The following HTR5A variants were observed in gnomAD, a reference collection of about 807,000 sequenced individuals.
The protein encoded by HTR5A is 5-hydroxytryptamine receptor 5A, also known as 5-HT-5.
Under a neutral mutation model 24.3 loss-of-function variants are expected in HTR5A, and 21 were observed. The observed-to-expected ratio is 0.86, with a 90% CI of 0.61 to 1.24. The LOEUF (loss-of-function observed/expected upper bound fraction) is 1.24, where lower values mean the gene tolerates loss of function less well. Among genes scored for constraint, HTR5A ranks in the 50% most tolerant of loss-of-function variants. HTR5A has a pLI of 0.00. For missense variants in HTR5A, 497 were observed against 489.5 expected (o/e 1.02, Z -0.15); for synonymous variants, 260 against 213.7 (o/e 1.22, Z -1.89).
rs574766448 is a variant in HTR5A at position 155,075,827 on chromosome 7, G to A, written c.741+4187G>A. The stretch of plus-strand genomic sequence containing the variant: ...TAATATTTTATGTCAGCTAATGCAG[G>A]CATTATTTACTATGACAACTTTAAA... On this transcript the variant is annotated intron_variant, in intron 1 of 1. Transcript: ENST00000287907. Among the ~76,000 whole-genome samples, 310 of 151,666 alleles carry A rather than the reference G, an allele frequency of 2.0e-3. 2 individuals carry two copies. Among genetic ancestry groups the A allele is most frequent in the African/African-American group, 6.9e-3 (284 of 41,042 alleles).
In HTR5A at chr7:155,084,569, C is replaced by T. The variant is rs1795455452; in HGVS notation, c.*82C>T. ...TCATCCATTTCCCATCCCCACCCAACAGCCATGTGGACGGGATGAATCCTC... is the reference window on the plus strand; with the variant it reads ...TCATCCATTTCCCATCCCCACCCAATAGCCATGTGGACGGGATGAATCCTC... On this transcript the variant is annotated 3_prime_UTR_variant, in exon 2 of 2. Transcript: ENST00000287907. The T allele has an allele frequency of 8.6e-7, 1 of 1,168,924 alleles. No individual in the cohort carries two copies. Among genetic ancestry groups the T allele is most frequent in the Admixed American group, 2.0e-5 (1 of 49,342 alleles). The allele number at this position is 1,168,924 out of a possible 1,614,324, so 72.4% of individuals were successfully genotyped here. A position where few individuals can be genotyped will look rare whatever the true frequency, so the allele number is the denominator to read the frequency against.
chr7:155,072,248 T>G (rs1042493031), intron 1 of HTR5A, among the ~76,000 whole-genome samples: 1 of 152,224 alleles, frequency 6.6e-6, no homozygotes, highest in African/African-American at 2.4e-5. Flanking sequence ...AGATGTTGAC[T>G]GCACTAGTCC....
At position 155,071,289 on chromosome 7, in the gene HTR5A, G is replaced by T; in HGVS notation, c.390G>T (p.Trp130Cys). The change falls in exon 1 of 2, where the codon TGG (tryptophan) becomes TGT (cysteine). Residue 130 changes from tryptophan to cysteine, a missense_variant. Coordinates refer to ENST00000287907, the MANE Select transcript of HTR5A (RefSeq NM_024012.4). ...CDVLCCTASI[W>C]NVTAIALDRY... Reference sequence around the variant, plus strand: ...TGCTTTGCTGCACGGCCAGCATCTGGAACGTGACGGCCATAGCCCTGGACC... The same window carrying T: ...TGCTTTGCTGCACGGCCAGCATCTGTAACGTGACGGCCATAGCCCTGGACC... The T allele has an allele frequency of 3.1e-6, 5 of 1,609,144 alleles. No individual in the cohort carries two copies. The highest frequency in any genetic ancestry group is 3.4e-6 in the Non-Finnish European group (4 of 1,179,870).
intron 1 of HTR5A, among the ~76,000 whole-genome samples, chr7:155,080,756 A>G (rs1287959799): frequency 6.6e-6 from 1 of 152,216 alleles, no homozygotes; most frequent in Non-Finnish European, 1.5e-5. Context: ...TCAGCTGCAG[A>G]ACGGAGTTTA....
At chr7:155,071,985 G>A (rs562274620) in intron 1 of HTR5A, among the ~76,000 whole-genome samples, 1 of 152,240 alleles carries the variant, frequency 6.6e-6, no homozygotes, top group East Asian at 1.9e-4. Flanking sequence ...GGTATCTGGG[G>A]TACGCTGATT....
chr7:155,076,354 C>T (rs1007084144), intron 1 of HTR5A, among the ~76,000 whole-genome samples: 3 of 151,850 alleles, frequency 2.0e-5, no homozygotes, highest in African/African-American at 7.3e-5. Flanking sequence ...GTGAATTATT[C>T]TGGAGGTATA....
At position 155,087,346 on chromosome 7, in the gene HTR5A, G is replaced by T. The variant is rs1038537094; in HGVS notation, c.*2859G>T. On this transcript the variant is annotated 3_prime_UTR_variant, in exon 2 of 2. Transcript: ENST00000287907. Reference sequence around the variant, plus strand: ...AAAGAGGCTGTAGAGACAACACTTTGCCATATTTCTATTAAAGAGAAAATA... The same window carrying T: ...AAAGAGGCTGTAGAGACAACACTTTTCCATATTTCTATTAAAGAGAAAATA... 6.6e-6 allele frequency among the ~76,000 whole-genome samples: 1 copy of T among 152,188 alleles called. No individual in the cohort carries two copies. The highest frequency in any genetic ancestry group is 2.4e-5 in the African/African-American group (1 of 41,462).
intron 1 of HTR5A, among the ~76,000 whole-genome samples, chr7:155,072,542 A>C (rs1391183230): frequency 6.6e-6 from 1 of 152,054 alleles, no homozygotes; most frequent in Non-Finnish European, 1.5e-5. Context: ...TGACCCTACG[A>C]CTCATGATTC....
At position 155,085,289 on chromosome 7, in the gene HTR5A, C is replaced by CCATGAATGGAGCTTGCTGCAGTGGAAG. The variant is rs1563424109; in HGVS notation, c.*802_*803insCATGAATGGAGCTTGCTGCAGTGGAAG. ...AGAATCTGTCAGATTTGTTTATTTGCTACTGGTTTCACGCGCGTGGACTAT... is the reference window on the plus strand; with the variant it reads ...AGAATCTGTCAGATTTGTTTATTTGCCATGAATGGAGCTTGCTGCAGTGGAAGTACTGGTTTCACGCGCGTGGACTAT... On this transcript the variant is annotated 3_prime_UTR_variant, in exon 2 of 2. Coordinates refer to ENST00000287907, the MANE Select transcript of HTR5A (RefSeq NM_024012.4). 0.022 allele frequency: 3,365 copies of CCATGAATGGAGCTTGCTGCAGTGGAAG among 150,596 alleles called. No individual in the cohort carries two copies. The highest frequency in any genetic ancestry group is 0.031 in the Non-Finnish European group (2,046 of 67,016). The allele number at this position is 150,596 out of a possible 1,614,324, so 9.3% of individuals were successfully genotyped here. A position where few individuals can be genotyped will look rare whatever the true frequency, so the allele number is the denominator to read the frequency against.
In HTR5A at chr7:155,084,578, G is replaced by A; in HGVS notation, c.*91G>A. 9.3e-7 allele frequency: 1 copy of A among 1,073,634 alleles called. No individual in the cohort carries two copies. The highest frequency in any genetic ancestry group is 1.4e-6 in the Non-Finnish European group (1 of 734,362). The allele number at this position is 1,073,634 out of a possible 1,614,324, so 66.5% of individuals were successfully genotyped here. ...TCCCATCCCCACCCAACAGCCATGT[G>A]GACGGGATGAATCCTCACCATTCTC... On this transcript the variant is annotated 3_prime_UTR_variant, in exon 2 of 2. Coordinates refer to ENST00000287907, the MANE Select transcript of HTR5A (RefSeq NM_024012.4).
In HTR5A at chr7:155,086,477, G is replaced by A. The variant is rs953924298; in HGVS notation, c.*1990G>A. ...TCCAAGGATTCTGTATACCCCAGTT[G>A]GAGAACGATGTTATTATAATATTAA... On this transcript the variant is annotated 3_prime_UTR_variant, in exon 2 of 2. Coordinates refer to ENST00000287907, the MANE Select transcript of HTR5A (RefSeq NM_024012.4). Among the ~76,000 whole-genome samples the A allele has an allele frequency of 2.6e-5, 4 of 152,206 alleles. No individual in the cohort carries two copies. Among genetic ancestry groups the A allele is most frequent in the African/African-American group, 9.6e-5 (4 of 41,458 alleles).
intron 1 of HTR5A, among the ~76,000 whole-genome samples, chr7:155,075,721 C>G (rs1231466085): frequency 1.3e-5 from 2 of 152,220 alleles, no homozygotes; most frequent in Non-Finnish European, 2.9e-5. Context: ...TCTTCCATGA[C>G]TGGCCACAAG....
At chr7:155,075,430 G>A (rs897034265) in intron 1 of HTR5A, among the ~76,000 whole-genome samples, 1 of 152,204 alleles carries the variant, frequency 6.6e-6, no homozygotes, top group Non-Finnish European at 1.5e-5. Flanking sequence ...AACAGATGCT[G>A]AAGGACTACC....
chr7:155,070,801 G>C lies in HTR5A; in HGVS notation c.-99G>C. ...TCCAGAAACTCCCCCACTGGCCAGA[G>C]GTTGCAAACATCCGGATTGGCTCTG... On this transcript the variant is annotated 5_prime_UTR_variant, in exon 1 of 2. Coordinates refer to ENST00000287907, the MANE Select transcript of HTR5A (RefSeq NM_024012.4). 2 of 1,271,666 alleles carry C rather than the reference G, an allele frequency of 1.6e-6. No individual in the cohort carries two copies. The highest frequency in any genetic ancestry group is 2.2e-6 in the Non-Finnish European group (2 of 921,236). 78.8% of individuals were successfully genotyped at this position (1,271,666 alleles called of 1,614,324 possible). A position where few individuals can be genotyped will look rare whatever the true frequency, so the allele number is the denominator to read the frequency against.
At chr7:155,073,787 G>A (rs1323312467) in intron 1 of HTR5A, among the ~76,000 whole-genome samples, 1 of 150,774 alleles carries the variant, frequency 6.6e-6, no homozygotes, top group African/African-American at 2.4e-5. Flanking sequence ...TTTGGTGATA[G>A]CAGAAGCAAA....
intron 1 of HTR5A, among the ~76,000 whole-genome samples, chr7:155,083,756 G>A (rs6947679): frequency 0.029 from 4,475 of 152,260 alleles, 201 homozygotes; most frequent in African/African-American, 0.1. Context: ...AGGTTATAAA[G>A]ATGGTAGAAA....
chr7:155,084,007 A>T, intron 1 of HTR5A, 148 bp from the exon 2 acceptor site: 1 of 624,474 alleles, frequency 1.6e-6, no homozygotes, highest in South Asian at 2.0e-5. Flanking sequence ...TCTGAGAGCG[A>T]GTGCCACAGG....
At chr7:155,079,917 A>G (rs1271279627) in intron 1 of HTR5A, among the ~76,000 whole-genome samples, 3 of 152,230 alleles carry the variant, frequency 2.0e-5, no homozygotes, top group East Asian at 3.8e-4. Context: ...GAATGCCCTC[A>G]TACGAGCTTT....
intron 1 of HTR5A, 99 bp downstream of exon 1, chr7:155,071,739 C>G: frequency 7.4e-7 from 1 of 1,353,828 alleles, no homozygotes; most frequent in East Asian, 2.3e-5. Context: ...GAAAATGGAA[C>G]TTTTTGTGTT....
Sources: allele counts gnomAD v4.1 joint callset (sites outside exome capture counted in the v4.1 genomes callset), GRCh38; gene constraint gnomAD v4.1.1; transcripts MANE v1.5; gene names NCBI Gene and HGNC (gene_info 2026-07-23, HGNC 2026-07-21).